SMYD3: variants seen among roughly 807,000 people sequenced by gnomAD.
SMYD3 encodes the protein SET and MYND domain containing 3.
Under a neutral mutation model 57.7 loss-of-function variants are expected in SMYD3, and 36 were observed. The observed-to-expected ratio is 0.62, with a 90% CI of 0.48 to 0.82. The LOEUF (loss-of-function observed/expected upper bound fraction) is 0.82, where lower values mean the gene tolerates loss of function less well. Ranked by LOEUF, SMYD3 falls within the 40% of genes least tolerant of loss-of-function variation. SMYD3 has a pLI of 0.00. For synonymous variants in SMYD3, 211 were observed against 195.0 expected, an observed-to-expected ratio of 1.08 and a Z score of -0.68; for missense variants, 515 against 538.8, an observed-to-expected ratio of 0.96 and a Z score of 0.44.
At chr1:245,869,397 C>T (rs1248994207) in intron 8 of SMYD3, among the ~76,000 whole-genome samples, 1 of 152,142 alleles carries the variant, frequency 6.6e-6, no homozygotes, top group Non-Finnish European at 1.5e-5. Context: ...TTTTCCTGGC[C>T]CTCACCTTCC....
At chr1:245,749,733 C>G in intron 11 of SMYD3, 69 bp from the exon 12 acceptor site, 1 of 1,218,824 alleles carries the variant, frequency 8.2e-7, no homozygotes, top group South Asian at 1.2e-5. Flanking sequence ...CCCACCTTTA[C>G]CCCATGATGC....
intron 8 of SMYD3, among the ~76,000 whole-genome samples, chr1:245,869,115 A>T (rs1416367185): frequency 6.6e-6 from 1 of 152,142 alleles, no homozygotes; most frequent in East Asian, 1.9e-4. Context: ...ATCTCTTTGA[A>T]TTTTACTTTT....
chr1:246,156,133 G>C (rs921629448), intron 5 of SMYD3, among the ~76,000 whole-genome samples: 1 of 151,848 alleles, frequency 6.6e-6, no homozygotes, highest in Non-Finnish European at 1.5e-5. Context: ...ACCTAATTTG[G>C]TTACTATGTG....
intron 5 of SMYD3, among the ~76,000 whole-genome samples, chr1:245,976,448 C>T (rs368551212): frequency 1.0e-3 from 14 of 14,034 alleles, no homozygotes; most frequent in Non-Finnish European, 1.4e-3. Context: ...CCATCGTCTC[C>T]GGCCCAGGGA....
At chr1:246,415,164 A>C (rs968733898) in intron 1 of SMYD3, among the ~76,000 whole-genome samples, 2 of 152,178 alleles carry the variant, frequency 1.3e-5, no homozygotes, top group Non-Finnish European at 2.9e-5. Context: ...TGATAATAAA[A>C]CTAACAAACC....
Position 245,812,855 on chromosome 1 carries a change from T to C in SMYD3, c.1076+45641A>G, listed in dbSNP as rs180883942. ...GGATATAGTCATGAATACCTCTTTT[T>C]CTTCTTTGGAAAAATACAGACTACT... On this transcript the variant is annotated intron_variant, in intron 10 of 11. Coordinates refer to ENST00000490107, the MANE Select transcript of SMYD3 (RefSeq NM_001167740.2). 4.2e-4 allele frequency among the ~76,000 whole-genome samples: 64 copies of C among 152,044 alleles called. No homozygotes were observed. In the East Asian group the frequency reaches 0.011, roughly 27 times the overall value.
chr1:245,884,399 G>A (rs1009846750), intron 8 of SMYD3, among the ~76,000 whole-genome samples: 1 of 152,182 alleles, frequency 6.6e-6, no homozygotes, highest in Non-Finnish European at 1.5e-5. Context: ...GGGACAGAGA[G>A]GAACCGGAGT....
At chr1:245,882,023 TG>T (rs1446493099) in intron 8 of SMYD3, among the ~76,000 whole-genome samples, 1 of 152,164 alleles carries the variant, frequency 6.6e-6, no homozygotes, top group East Asian at 1.9e-4. Flanking sequence ...TCCAAGAAAG[TG>T]GGAAGTTGCT....
intron 9 of SMYD3, among the ~76,000 whole-genome samples, chr1:245,862,405 C>A (rs2051598515): frequency 6.6e-6 from 1 of 152,070 alleles, no homozygotes; most frequent in Non-Finnish European, 1.5e-5. Flanking sequence ...CATATTTGAA[C>A]TTTTTGATCC....
rs1322755364 is a variant in SMYD3, at chr1:246,276,282, G to A, written c.531+50919C>T. Among the ~76,000 whole-genome samples, 9 of 122,310 alleles carry A rather than the reference G, an allele frequency of 7.4e-5. 2 individuals carry two copies. Among genetic ancestry groups the A allele is most frequent in the South Asian group, 3.6e-4 (1 of 2,794 alleles). 80.2% of individuals were successfully genotyped at this position (122,310 alleles called of 152,430 possible). On this transcript the variant is annotated intron_variant, in intron 5 of 11. Coordinates refer to ENST00000490107, the MANE Select transcript of SMYD3 (RefSeq NM_001167740.2). ...TACTAACTCTGTTTTTTCACTAGCCGTATTAACACTGGCAAGTTATTTAAT... is the reference window on the plus strand; with the variant it reads ...TACTAACTCTGTTTTTTCACTAGCCATATTAACACTGGCAAGTTATTTAAT...
rs1316042962 is a variant in SMYD3 at position 246,167,047 on chromosome 1, T to C, written c.531+160154A>G. Among the ~76,000 whole-genome samples the C allele has an allele frequency of 3.3e-5, 5 of 152,214 alleles. No individual in the cohort carries two copies. The East Asian group carries it at 7.7e-4, about 23-fold the overall frequency. On this transcript the variant is annotated intron_variant, in intron 5 of 11. Coordinates refer to ENST00000490107, the MANE Select transcript of SMYD3 (RefSeq NM_001167740.2). ...ACGGAATCACAGAGCATGTGGCGTC[T>C]TGTGTCTGGCTCCCTTCATTAAGCA... is the stretch of plus-strand genomic sequence containing the variant.
chr1:246,357,603 A>T (rs957055596), intron 1 of SMYD3, among the ~76,000 whole-genome samples: 17 of 152,182 alleles, frequency 1.1e-4, no homozygotes, highest in African/African-American at 3.9e-4. Flanking sequence ...CTTGCATGAT[A>T]TCTATGAACC....
intron 10 of SMYD3, among the ~76,000 whole-genome samples, chr1:245,765,075 C>CAAAAAAAAAAAAAAAAA (rs1272485977): frequency 8.3e-6 from 1 of 120,590 alleles, no homozygotes; most frequent in Non-Finnish European, 1.8e-5. Flanking sequence ...CACACACACA[C>CAAAAAAAAAAAAAAAAA]ACAAAACCAC....
chr1:246,134,458 T>G (rs1178585191), intron 5 of SMYD3, among the ~76,000 whole-genome samples: 1 of 152,098 alleles, frequency 6.6e-6, no homozygotes, highest in Non-Finnish European at 1.5e-5. Context: ...AAATTTAAAT[T>G]ATATACCCAT....
At chr1:246,288,751 T>C (rs910609847) in intron 5 of SMYD3, among the ~76,000 whole-genome samples, 3 of 152,192 alleles carry the variant, frequency 2.0e-5, no homozygotes, top group East Asian at 1.9e-4. Flanking sequence ...TGTCCAATCA[T>C]GTACATTCCT....
intron 1 of SMYD3, among the ~76,000 whole-genome samples, chr1:246,424,317 CA>C (rs1180335843): frequency 6.6e-6 from 1 of 151,374 alleles, no homozygotes; most frequent in Non-Finnish European, 1.5e-5. Context: ...CAACAACAAA[CA>C]AACAAGTATA....
intron 5 of SMYD3, among the ~76,000 whole-genome samples, chr1:246,122,862 TA>T (rs1175735476): frequency 1.3e-5 from 2 of 152,194 alleles, no homozygotes; most frequent in African/African-American, 4.8e-5. Flanking sequence ...TAGCCATGAT[TA>T]ACTTCAGGCC....
intron 5 of SMYD3, among the ~76,000 whole-genome samples, chr1:246,118,400 T>G (rs1052999289): frequency 1.3e-5 from 2 of 152,156 alleles, no homozygotes; most frequent in African/African-American, 4.8e-5. Flanking sequence ...CCGAAGACCC[T>G]TAGAGACACC....
intron 5 of SMYD3, among the ~76,000 whole-genome samples, chr1:245,999,861 TCCTG>T (rs2059005666): frequency 6.6e-6 from 1 of 152,216 alleles, no homozygotes; most frequent in Non-Finnish European, 1.5e-5. Context: ...TGCTTTAAAA[TCCTG>T]GCTCAATGAC....
Sources: gnomAD v4.1 joint callset for allele counts (sites outside exome capture counted in the v4.1 genomes callset) on GRCh38, gnomAD v4.1.1 for gene constraint, MANE v1.5 for transcripts, NCBI Gene and HGNC (gene_info 2026-07-23, HGNC 2026-07-21) for gene names.